DENND10: variants seen among roughly 807,000 people sequenced by gnomAD.
DENND10 encodes DENN domain-containing protein 10.
A neutral mutation model predicts 43.6 loss-of-function variants in DENND10; 24 were observed. The ratio of observed to expected loss-of-function variants is 0.55; its 90% confidence interval spans 0.40 to 0.77. The LOEUF (loss-of-function observed/expected upper bound fraction) is 0.77, where lower values mean the gene tolerates loss of function less well. Ranked by LOEUF, DENND10 falls within the 30% of genes least tolerant of loss-of-function variation. The pLI is 0.00. For synonymous variants in DENND10, 125 were observed against 157.6 expected (o/e 0.79, Z 1.55); for missense variants, 303 against 429.9 (o/e 0.70, Z 2.61).
intron 6 of DENND10, among the ~76,000 whole-genome samples, chr10:119,127,915 C>A (rs1233567688): frequency 6.6e-6 from 1 of 152,144 alleles, no homozygotes. Context: ...CAGGCAGGAG[C>A]CACTGCCCCC....
chr10:119,134,943 T>A (rs1589751434), intron 8 of DENND10: 1 of 151,556 alleles, frequency 6.6e-6, no homozygotes, highest in Non-Finnish European at 1.5e-5. Context: ...GGCGGGCGGA[T>A]CACCTGAGGT....
chr10:119,111,617 G>A (rs1175472828), intron 2 of DENND10, among the ~76,000 whole-genome samples: 1 of 151,992 alleles, frequency 6.6e-6, no homozygotes, highest in Non-Finnish European at 1.5e-5. Context: ...TTTGATTTCT[G>A]AAAATTTTTT....
chr10:119,112,197 C>G (rs1845008669), intron 3 of DENND10, among the ~76,000 whole-genome samples: 1 of 152,140 alleles, frequency 6.6e-6, no homozygotes, highest in Admixed American at 6.6e-5. Flanking sequence ...TACTTTTGAT[C>G]TGTTACTTCT....
At chr10:119,104,277 T>C (rs2133444760) in intron 1 of DENND10, 80 bp downstream of exon 1, 1 of 1,350,110 alleles carries the variant, frequency 7.4e-7, no homozygotes. Context: ...CAGCCCGGGC[T>C]CCCGCGGCCC....
At chr10:119,123,920 G>A (rs191325246) in intron 6 of DENND10, among the ~76,000 whole-genome samples, 4 of 150,100 alleles carry the variant, frequency 2.7e-5, no homozygotes, top group East Asian at 3.9e-4. Context: ...GGCCGGGAGC[G>A]GTAGCTCACA....
At chr10:119,128,385 G>A (rs550295018) in intron 6 of DENND10, among the ~76,000 whole-genome samples, 25 of 151,838 alleles carry the variant, frequency 1.6e-4, no homozygotes, top group African/African-American at 5.1e-4. Context: ...TGAGGCAGGC[G>A]GATCACGAGG....
At chr10:119,128,272 C>T (rs559603442) in intron 6 of DENND10, among the ~76,000 whole-genome samples, 1 of 150,274 alleles carries the variant, frequency 6.7e-6, no homozygotes, top group South Asian at 2.1e-4. Flanking sequence ...AAGATCGTGC[C>T]ACTGCCCTCC....
At chr10:119,131,407 G>A (rs907662257) in intron 7 of DENND10, among the ~76,000 whole-genome samples, 6 of 152,138 alleles carry the variant, frequency 3.9e-5, no homozygotes, top group African/African-American at 1.4e-4. Context: ...GCAGTGAGCC[G>A]AGATCGCGCC....
intron 5 of DENND10, 57 bp from the exon 6 acceptor site, chr10:119,123,412 G>C: frequency 7.9e-7 from 1 of 1,269,682 alleles, no homozygotes; most frequent in Non-Finnish European, 1.1e-6. Context: ...AAGGGGGCAG[G>C]CTGAGTCTTT....
At chr10:119,105,736 C>T (rs1013251776) in intron 1 of DENND10, 2 of 158,954 alleles carry the variant, frequency 1.3e-5, no homozygotes, top group Admixed American at 6.5e-5. Context: ...GTAAAACCCT[C>T]GTGTCTCTAC....
intron 1 of DENND10, among the ~76,000 whole-genome samples, chr10:119,107,311 AG>A (rs1844742628): frequency 6.7e-6 from 1 of 149,584 alleles, no homozygotes; most frequent in Admixed American, 6.8e-5. Flanking sequence ...AAAAAAAAAA[AG>A]AATTATTCCA....
At chr10:119,124,651 TG>T (rs1845746796) in intron 6 of DENND10, among the ~76,000 whole-genome samples, 1 of 152,130 alleles carries the variant, frequency 6.6e-6, no homozygotes, top group Non-Finnish European at 1.5e-5. Context: ...CCCACACTGT[TG>T]GGATTACAGG....
chr10:119,114,365 C>T (rs1845140030), intron 3 of DENND10: 2 of 152,198 alleles, frequency 1.3e-5, no homozygotes, highest in Non-Finnish European at 2.9e-5. Context: ...GAGTTGCCTC[C>T]CTCCATTTCT....
chr10:119,137,179 A>T lies in DENND10; in HGVS notation c.*532A>T. 1 of 162,184 alleles carries T rather than the reference A, an allele frequency of 6.2e-6. No homozygotes were observed. 10.0% of individuals were successfully genotyped at this position (162,184 alleles called of 1,614,324 possible). A position where few individuals can be genotyped will look rare whatever the true frequency, so the allele number is the denominator to read the frequency against. ...TGCACTTTCTCGTAAAAGTTAAAAA[A>T]AAAAAAAAAAAAAAAAGGTTTTTCC... is the stretch of plus-strand genomic sequence containing the variant. On this transcript the variant is annotated 3_prime_UTR_variant, in exon 9 of 9. Transcript: ENST00000361432.
intron 3 of DENND10, among the ~76,000 whole-genome samples, chr10:119,112,786 CT>C (rs950045372): frequency 1.3e-5 from 2 of 151,192 alleles, no homozygotes; most frequent in Non-Finnish European, 2.9e-5. Context: ...TGATGAAACT[CT>C]TTTTTTATGT....
At chr10:119,124,294 G>C (rs1489988518) in intron 6 of DENND10, among the ~76,000 whole-genome samples, 1 of 151,152 alleles carries the variant, frequency 6.6e-6, no homozygotes, top group African/African-American at 2.4e-5. Context: ...AGGAGGCTGA[G>C]GCAAGTGGAT....
At chr10:119,111,987 C>T (rs181619726) in intron 3 of DENND10, 59 bp downstream of exon 3, 1 of 1,275,830 alleles carries the variant, frequency 7.8e-7, no homozygotes, top group East Asian at 2.3e-5. Context: ...AGTATAGTTA[C>T]ATAGCAGATT....
chr10:119,131,818 GA>G (rs1846099758), intron 7 of DENND10, among the ~76,000 whole-genome samples: 1 of 152,230 alleles, frequency 6.6e-6, no homozygotes, highest in Non-Finnish European at 1.5e-5. Flanking sequence ...GAAAGTGAAA[GA>G]AAACTGGCTG....
chr10:119,121,477 A>C (rs759414769), intron 5 of DENND10, among the ~76,000 whole-genome samples: 127 of 141,936 alleles, frequency 8.9e-4, no homozygotes, highest in Non-Finnish European at 1.4e-3. Flanking sequence ...TGGAGGCAGA[A>C]TCTCTCGCTT....
Sources: allele counts gnomAD v4.1 joint callset (sites outside exome capture counted in the v4.1 genomes callset), GRCh38; gene constraint gnomAD v4.1.1; transcripts MANE v1.5; gene names NCBI Gene and HGNC (gene_info 2026-07-23, HGNC 2026-07-21).